Variants in PTPRG observed in about 807,000 individuals in gnomAD.
The protein encoded by PTPRG is receptor-type tyrosine-protein phosphatase gamma.
In PTPRG, 102 loss-of-function variants were observed where a neutral mutation model predicts 165.3. That is an observed-to-expected ratio of 0.62 (90% CI 0.53 to 0.73). The LOEUF (loss-of-function observed/expected upper bound fraction) is 0.73. Among genes scored for constraint, PTPRG ranks in the 30% least tolerant of loss-of-function variants. PTPRG has a pLI of 0.00. For synonymous variants in PTPRG, 675 were observed against 669.5 expected, an observed-to-expected ratio of 1.01 and a Z score of -0.13; for missense variants, 1,866 against 1,861.4, an observed-to-expected ratio of 1.00 and a Z score of -0.05.
intron 2 of PTPRG, among the ~76,000 whole-genome samples, chr3:61,864,932 A>T (rs1296709616): frequency 3.3e-5 from 5 of 152,190 alleles, no homozygotes; most frequent in Non-Finnish European, 5.9e-5. Flanking sequence ...TCAATGTCTC[A>T]GGAAGGCCCA....
At chr3:61,944,349 C>T (rs2039704522) in intron 2 of PTPRG, among the ~76,000 whole-genome samples, 1 of 152,198 alleles carries the variant, frequency 6.6e-6, no homozygotes, top group Admixed American at 6.5e-5. Flanking sequence ...CTGATGCCCT[C>T]CTGTTCTTAA....
At chr3:61,830,879 A>G (rs1187803074) in intron 2 of PTPRG, among the ~76,000 whole-genome samples, 1 of 152,084 alleles carries the variant, frequency 6.6e-6, no homozygotes, top group Non-Finnish European at 1.5e-5. Context: ...CTGCCGATGG[A>G]TCTCTTTATC....
chr3:61,741,978 T>G (rs1193733147), intron 1 of PTPRG, among the ~76,000 whole-genome samples: 2 of 152,228 alleles, frequency 1.3e-5, no homozygotes, highest in Admixed American at 1.3e-4. Context: ...TTATTCATAT[T>G]CAATATAGAC....
intron 1 of PTPRG, among the ~76,000 whole-genome samples, chr3:61,609,025 C>T (rs754385286): frequency 5.3e-5 from 8 of 152,122 alleles, no homozygotes; most frequent in Non-Finnish European, 1.0e-4. Flanking sequence ...GTTGGGTCAG[C>T]CTGAACATGA....
chr3:61,571,425 C>T (rs538603695), intron 1 of PTPRG, among the ~76,000 whole-genome samples: 2 of 152,084 alleles, frequency 1.3e-5, no homozygotes, highest in Admixed American at 6.6e-5. Context: ...ATGTATTTCA[C>T]CCTGTTACTT....
At chr3:62,061,023 C>T (rs370680810) in intron 4 of PTPRG, among the ~76,000 whole-genome samples, 3 of 152,264 alleles carry the variant, frequency 2.0e-5, no homozygotes, top group South Asian at 2.1e-4. Context: ...GTGTCTGTAT[C>T]CTTCTGCTAT....
chr3:61,762,255 C>T (rs548008284), intron 2 of PTPRG, among the ~76,000 whole-genome samples: 2 of 152,228 alleles, frequency 1.3e-5, no homozygotes, highest in East Asian at 3.9e-4. Flanking sequence ...TCACCATCTA[C>T]TAGGGTGTGA....
chr3:61,823,860 C>G (rs2036028451), intron 2 of PTPRG, among the ~76,000 whole-genome samples: 1 of 152,160 alleles, frequency 6.6e-6, no homozygotes, highest in African/African-American at 2.4e-5. Flanking sequence ...GGTGCAGTGG[C>G]TCACGCCTGT....
chr3:61,855,216 A>G (rs1290837834), intron 2 of PTPRG, among the ~76,000 whole-genome samples: 1 of 152,208 alleles, frequency 6.6e-6, no homozygotes, highest in East Asian at 1.9e-4. Flanking sequence ...AGGTAAAAGT[A>G]ATAGTATAGA....
intron 12 of PTPRG, among the ~76,000 whole-genome samples, chr3:62,211,079 T>A (rs971287112): frequency 1.3e-5 from 2 of 152,148 alleles, no homozygotes; most frequent in Admixed American, 1.3e-4. Flanking sequence ...TTATTGACAA[T>A]AGCCAAGAGG....
intron 2 of PTPRG, among the ~76,000 whole-genome samples, chr3:61,950,766 G>C (rs1482762786): frequency 6.6e-6 from 1 of 152,202 alleles, no homozygotes; most frequent in Non-Finnish European, 1.5e-5. Flanking sequence ...CACAGGAAAT[G>C]TGAAAGTGAG....
At chr3:62,151,651 T>C (rs1576068217) in intron 6 of PTPRG, among the ~76,000 whole-genome samples, 3 of 151,300 alleles carry the variant, frequency 2.0e-5, no homozygotes, top group African/African-American at 7.3e-5. Flanking sequence ...TATTATGGTA[T>C]AATGGAATGA....
At chr3:61,731,282 C>T (rs1013376460) in intron 1 of PTPRG, among the ~76,000 whole-genome samples, 1 of 151,172 alleles carries the variant, frequency 6.6e-6, no homozygotes, top group African/African-American at 2.4e-5. Context: ...TAGTTTTGTT[C>T]TTGGGGACAG....
chr3:62,233,588 C>CA lies in PTPRG; in HGVS notation c.2375+2281dup, dbSNP rs1700955477. On this transcript the variant is annotated intron_variant, in intron 14 of 29. Coordinates refer to ENST00000474889, the MANE Select transcript of PTPRG (RefSeq NM_002841.4). The surrounding 1 kb of genome is among the most constrained non-coding windows in gnomAD (Gnocchi z 4.7). Reference sequence around the variant, plus strand: ...CTCCACCTAAAATGTGGCCAGGAATCAAAAGAAGAGCCCCCAGTGATAGCT... The same window carrying CA: ...CTCCACCTAAAATGTGGCCAGGAATCAAAAAGAAGAGCCCCCAGTGATAGCT... Among the ~76,000 whole-genome samples, 3 of 152,248 alleles carry CA rather than the reference C, an allele frequency of 2.0e-5. No individual in the cohort carries two copies. Among genetic ancestry groups the CA allele is most frequent in the Admixed American group, 2.0e-4 (3 of 15,292 alleles).
chr3:62,256,231 A>C (rs1239107127), intron 16 of PTPRG, among the ~76,000 whole-genome samples: 1 of 152,240 alleles, frequency 6.6e-6, no homozygotes, highest in Non-Finnish European at 1.5e-5. Context: ...TCTAGGAGTC[A>C]TACAGCTGGA....
intron 2 of PTPRG, among the ~76,000 whole-genome samples, chr3:61,933,959 G>A (rs991988753): frequency 2.6e-5 from 4 of 152,226 alleles, no homozygotes; most frequent in African/African-American, 9.6e-5. Context: ...CTCTCTGCAA[G>A]TGAGCCACAT....
chr3:61,766,502 A>G (rs1252711582), intron 2 of PTPRG, among the ~76,000 whole-genome samples: 2 of 152,186 alleles, frequency 1.3e-5, no homozygotes, highest in Non-Finnish European at 2.9e-5. Context: ...TTCTATCTAT[A>G]TATTAAAGGA....
intron 2 of PTPRG, among the ~76,000 whole-genome samples, chr3:61,796,527 C>CT (rs1176420771): frequency 2.0e-5 from 3 of 152,210 alleles, no homozygotes; most frequent in Non-Finnish European, 4.4e-5. Context: ...ACAAAGTCTG[C>CT]ATGACGCTCT....
intron 2 of PTPRG, among the ~76,000 whole-genome samples, chr3:61,752,946 A>C (rs2033502109): frequency 6.6e-6 from 1 of 152,138 alleles, no homozygotes; most frequent in African/African-American, 2.4e-5. Context: ...ACCTTGGAAA[A>C]TGCAGACACC....
Sources: allele counts gnomAD v4.1 joint callset (sites outside exome capture counted in the v4.1 genomes callset), GRCh38; gene constraint gnomAD v4.1.1; non-coding constraint Gnocchi (gnomAD v3.1); transcripts MANE v1.5; gene names NCBI Gene and HGNC (gene_info 2026-07-23, HGNC 2026-07-21).